DPP6: variants seen among roughly 807,000 people sequenced by gnomAD.
The protein encoded by DPP6 is dipeptidyl peptidase like 6.
A neutral mutation model predicts 122.6 loss-of-function variants in DPP6; 69 were observed. That is an observed-to-expected ratio of 0.56 (90% confidence interval 0.46 to 0.69). The LOEUF (loss-of-function observed/expected upper bound fraction) is 0.69, where lower values mean the gene tolerates loss of function less well. Ranked by LOEUF, DPP6 falls within the 30% of genes least tolerant of loss-of-function variation. The pLI is 0.00. For missense variants in DPP6, 928 were observed against 1,116.9 expected, an observed-to-expected ratio of 0.83 and a Z score of 2.41; for synonymous variants, 418 against 433.1, an observed-to-expected ratio of 0.97 and a Z score of 0.43.
rs556437353 is a variant in DPP6 at position 154,178,107 on chromosome 7, C to T, written c.243+125044C>T. Among the ~76,000 whole-genome samples, 5 of 152,248 alleles carry T rather than the reference C, an allele frequency of 3.3e-5. No homozygotes were observed. In the East Asian group the frequency reaches 5.8e-4, roughly 18 times the overall value. The stretch of plus-strand genomic sequence containing the variant: ...AAAGCTGGGTCCAGATCAGGGGAGT[C>T]GGTTGTAAGTTGTCATGACACTTCA... On this transcript the variant is annotated intron_variant, in intron 1 of 25. Coordinates refer to ENST00000377770, the MANE Select transcript of DPP6 (RefSeq NM_130797.4).
chr7:154,009,768 T>G (rs1287608310), intron 1 of DPP6, among the ~76,000 whole-genome samples: 8 of 151,314 alleles, frequency 5.3e-5, no homozygotes, highest in Admixed American at 5.2e-4. Context: ...TGCCACTTTC[T>G]CACCCCACAG....
At chr7:154,742,132 T>C (rs1266109015) in intron 8 of DPP6, among the ~76,000 whole-genome samples, 1 of 151,634 alleles carries the variant, frequency 6.6e-6, no homozygotes, top group Non-Finnish European at 1.5e-5. Flanking sequence ...ATGAAGGAGG[T>C]CCAAGACAGG....
At chr7:154,015,253 A>G (rs1798346897) in intron 1 of DPP6, among the ~76,000 whole-genome samples, 1 of 151,778 alleles carries the variant, frequency 6.6e-6, no homozygotes, top group Admixed American at 6.6e-5. Flanking sequence ...TGATTGCACT[A>G]TCCACTCCTT....
chr7:154,647,020 C>G (rs1394464212), intron 6 of DPP6, among the ~76,000 whole-genome samples: 2 of 152,156 alleles, frequency 1.3e-5, no homozygotes, highest in Non-Finnish European at 2.9e-5. Flanking sequence ...GCCCAGGAGT[C>G]CTCATTTGGT....
the DPP6 span, among the ~76,000 whole-genome samples, chr7:153,867,715 C>T: frequency 6.6e-6 from 1 of 152,132 alleles, no homozygotes; most frequent in Non-Finnish European, 1.5e-5. Flanking sequence ...GAGAGGGCAT[C>T]CCTGTCTTGT....
At chr7:154,213,030 C>G (rs922215984) in intron 1 of DPP6, among the ~76,000 whole-genome samples, 1 of 152,164 alleles carries the variant, frequency 6.6e-6, no homozygotes, top group Non-Finnish European at 1.5e-5. Context: ...CAGACAAAGA[C>G]CAGACATCAG....
In DPP6 at chr7:154,661,851, G is replaced by GGT. The variant is rs1160372311; in HGVS notation, c.681-7508_681-7507insTG. Among the ~76,000 whole-genome samples, 37 of 147,780 alleles carry GGT rather than the reference G, an allele frequency of 2.5e-4. 1 individual carries two copies. Among genetic ancestry groups the GGT allele is most frequent in the African/African-American group, 7.9e-4 (31 of 39,150 alleles). Reference sequence around the variant, plus strand: ...TCATGGTGAATCACCATGGCATATTGGCCATAGTGTTCATATAGTCATGGT... The same window carrying GGT: ...TCATGGTGAATCACCATGGCATATTGGTGCCATAGTGTTCATATAGTCATGGT... On this transcript the variant is annotated intron_variant, in intron 6 of 25. Coordinates refer to ENST00000377770, the MANE Select transcript of DPP6 (RefSeq NM_130797.4).
chr7:154,520,003 C>A (rs534883478), intron 3 of DPP6, among the ~76,000 whole-genome samples: 1 of 152,096 alleles, frequency 6.6e-6, no homozygotes, highest in Non-Finnish European at 1.5e-5. Flanking sequence ...ATAAGGTATT[C>A]TATTACTGAA....
intron 1 of DPP6, among the ~76,000 whole-genome samples, chr7:154,274,137 C>A (rs1412124820): frequency 6.6e-6 from 1 of 152,164 alleles, no homozygotes; most frequent in African/African-American, 2.4e-5. Context: ...AGGTCCTCAA[C>A]AGAAAACACA....
chr7:154,190,252 G>C (rs1195956587), intron 1 of DPP6, among the ~76,000 whole-genome samples: 2 of 152,158 alleles, frequency 1.3e-5, no homozygotes, highest in Non-Finnish European at 2.9e-5. Context: ...AGGAAACCCT[G>C]ATGCTGCCCC....
At chr7:154,856,586 A>G (rs1412533054) in intron 17 of DPP6, among the ~76,000 whole-genome samples, 2 of 152,258 alleles carry the variant, frequency 1.3e-5, no homozygotes, top group Admixed American at 6.5e-5. Context: ...AATATGCTCA[A>G]AGATCCAGGA....
At chr7:153,901,406 C>T (rs998250756) in intron 1 of DPP6, among the ~76,000 whole-genome samples, 8 of 152,148 alleles carry the variant, frequency 5.3e-5, no homozygotes, top group Admixed American at 2.0e-4. Context: ...GAGTCTTCTG[C>T]GGATAAAGGT....
chr7:154,846,780 C>T (rs1438143309), intron 16 of DPP6, among the ~76,000 whole-genome samples: 3 of 152,186 alleles, frequency 2.0e-5, no homozygotes, highest in Non-Finnish European at 2.9e-5. Context: ...CTATGCATCT[C>T]TTCAAAAATG....
intron 7 of DPP6, among the ~76,000 whole-genome samples, chr7:154,683,049 A>C (rs1839381734): frequency 6.6e-6 from 1 of 152,208 alleles, no homozygotes; most frequent in Non-Finnish European, 1.5e-5. Flanking sequence ...AAGTTAGCAA[A>C]TTAGTGAATT....
chr7:154,810,702 A>C (rs1038120583), intron 16 of DPP6, among the ~76,000 whole-genome samples: 3 of 152,024 alleles, frequency 2.0e-5, no homozygotes, highest in Non-Finnish European at 4.4e-5. Context: ...GGTCACACAC[A>C]CATGACTGAC....
At chr7:154,588,961 C>T (rs1832643584) in intron 5 of DPP6, among the ~76,000 whole-genome samples, 1 of 152,204 alleles carries the variant, frequency 6.6e-6, no homozygotes, top group Non-Finnish European at 1.5e-5. Flanking sequence ...TTTCCCTGAG[C>T]CATCACCTGA....
chr7:154,555,195 AAAAGACAACTTT>A (rs1456903627), intron 4 of DPP6, among the ~76,000 whole-genome samples: 1 of 152,182 alleles, frequency 6.6e-6, no homozygotes, highest in African/African-American at 2.4e-5. Context: ...ATAGAAGAAA[AAAAGACAACTTT>A]TTTCTCATAA....
chr7:154,388,861 G>C lies in DPP6; in HGVS notation c.244-57353G>C, dbSNP rs545861419. Among the ~76,000 whole-genome samples, 3 of 152,276 alleles carry C rather than the reference G, an allele frequency of 2.0e-5. No homozygotes were observed. In the East Asian group the frequency reaches 5.8e-4, roughly 29 times the overall value. ...CATTTAAGTAAAGTTAGAATCATAGGTCTGAGATAATTTAATAGACTTTTC... is the reference window on the plus strand; with the variant it reads ...CATTTAAGTAAAGTTAGAATCATAGCTCTGAGATAATTTAATAGACTTTTC... On this transcript the variant is annotated intron_variant, in intron 1 of 25. Coordinates refer to ENST00000377770, the MANE Select transcript of DPP6 (RefSeq NM_130797.4).
chr7:154,584,930 T>A (rs956812447), intron 5 of DPP6, among the ~76,000 whole-genome samples: 41 of 152,212 alleles, frequency 2.7e-4, no homozygotes, highest in Non-Finnish European at 4.0e-4. Context: ...TTTTTCTTTT[T>A]AAAAATATGT....
Sources: allele counts gnomAD v4.1 joint callset (sites outside exome capture counted in the v4.1 genomes callset), GRCh38; gene constraint gnomAD v4.1.1; transcripts MANE v1.5; gene names NCBI Gene and HGNC (gene_info 2026-07-23, HGNC 2026-07-21).